PLXND1: variants seen among roughly 807,000 people sequenced by gnomAD.
PLXND1 encodes plexin-D1.
PLXND1 carries 54 observed loss-of-function variants against 197.7 expected under a neutral mutation model. The ratio of observed to expected loss-of-function variants is 0.27; its 90% CI spans 0.22 to 0.34. The LOEUF (loss-of-function observed/expected upper bound fraction) is 0.34, where lower values mean the gene tolerates loss of function less well. PLXND1 is among the 10% of genes least tolerant of loss of function. PLXND1 has a pLI of 1.00. For synonymous variants in PLXND1, 1,180 were observed against 1,161.2 expected, an observed-to-expected ratio of 1.02 and a Z score of -0.33; for missense variants, 2,127 against 2,699.2, an observed-to-expected ratio of 0.79 and a Z score of 4.70.
At position 129,572,849 on chromosome 3, in the gene PLXND1, G is replaced by A. The variant is rs2085256802; in HGVS notation, c.2930C>T (p.Ser977Phe). The A allele has an allele frequency of 6.2e-7, 1 of 1,613,634 alleles. No homozygotes were observed. Among genetic ancestry groups the A allele is most frequent in the African/African-American group, 1.3e-5 (1 of 74,932 alleles). ...SKEGKSRDRFSYVLPLVHSLE... is the reference protein window; with the variant it reads ...SKEGKSRDRFFYVLPLVHSLE... ...GCTGCAGCCCCCCCTTACCACGTAGGAGAAGCGGTCCCGGGACTTGCCCTC... is the reference window on the plus strand; with the variant it reads ...GCTGCAGCCCCCCCTTACCACGTAGAAGAAGCGGTCCCGGGACTTGCCCTC... The change falls in exon 14 of 36, where the codon TCC becomes TTC. Residue 977 changes from serine (S) to phenylalanine (F), a missense_variant. By Grantham distance (155) the Ser-to-Phe change is radical. Coordinates refer to ENST00000324093, the MANE Select transcript of PLXND1 (RefSeq NM_015103.3).
chr3:129,574,316 C>A lies in PLXND1; in HGVS notation c.2685+20G>T, dbSNP rs773258455. The A allele has an allele frequency of 3.8e-6, 6 of 1,573,494 alleles. No homozygotes were observed. The highest frequency in any genetic ancestry group is 5.2e-6 in the Non-Finnish European group (6 of 1,159,992). ...CGTGCCGGAGTGCGGGTGCCACGTG[C>A]CTCCACTGGGCATGCTTACCGCGTG... On this transcript the variant is annotated intron_variant, in intron 12 of 35. Transcript: ENST00000324093.
intron 1 of PLXND1, among the ~76,000 whole-genome samples, chr3:129,593,426 C>T (rs914518612): frequency 5.3e-5 from 8 of 152,220 alleles, no homozygotes; most frequent in Non-Finnish European, 7.3e-5. Context: ...GGCACTTCAG[C>T]GCCCCCGGTG....
At chr3:129,570,213 G>A (rs781528517) in intron 19 of PLXND1, among the ~76,000 whole-genome samples, 2 of 152,164 alleles carry the variant, frequency 1.3e-5, no homozygotes, top group Non-Finnish European at 2.9e-5. Context: ...TACAGCCTGG[G>A]AGGAGTAGTG....
chr3:129,567,486 G>A lies in PLXND1; in HGVS notation c.4086+6C>T, dbSNP rs1395858883. On this transcript the variant is annotated splice_donor_region_variant and intron_variant, in intron 22 of 35. Transcript: ENST00000324093. The stretch of plus-strand genomic sequence containing the variant: ...AGGTTCAGGGCAGGCTCAGGCTCGG[G>A]CTGACCTTGGGGAAGAAGGTGCGGG... The A allele has an allele frequency of 1.3e-6, 2 of 1,556,058 alleles. No individual in the cohort carries two copies. The highest frequency in any genetic ancestry group is 1.8e-6 in the Non-Finnish European group (2 of 1,134,638).
At chr3:129,587,665 T>C (rs1010057601) in intron 2 of PLXND1, among the ~76,000 whole-genome samples, 11 of 152,200 alleles carry the variant, frequency 7.2e-5, no homozygotes, top group Non-Finnish European at 1.2e-4. Context: ...CTTCTGCTTA[T>C]GGAATGAACC....
chr3:129,571,034 G>A lies in PLXND1; in HGVS notation c.3600+6C>T. 1.9e-6 allele frequency: 3 copies of A among 1,613,558 alleles called. No individual in the cohort carries two copies. Among genetic ancestry groups the A allele is most frequent in the Non-Finnish European group, 2.5e-6 (3 of 1,179,504 alleles). On this transcript the variant is annotated splice_donor_region_variant and intron_variant, in intron 18 of 35. Transcript: ENST00000324093. ...CCCCGCCTACCCCGGCCCCTTTGGT[G>A]CTCACGTGGATAACGAGGGTGAGAG...
intron 27 of PLXND1, chr3:129,562,470 A>T: frequency 3.5e-6 from 1 of 282,136 alleles, no homozygotes; most frequent in Non-Finnish European, 6.7e-6. Flanking sequence ...AGATTGCGCC[A>T]CTGCACTCCA....
chr3:129,580,455 C>T (rs1428728982), intron 8 of PLXND1, among the ~76,000 whole-genome samples: 2 of 152,134 alleles, frequency 1.3e-5, no homozygotes, highest in African/African-American at 2.4e-5. Flanking sequence ...ACTCAGGCCT[C>T]GAAGCCACTG....
At position 129,563,289 on chromosome 3, in the gene PLXND1, C is replaced by T. The variant is rs199722992; in HGVS notation, c.4522-49G>A. The T allele has an allele frequency of 3.1e-4, 472 of 1,519,340 alleles. 5 individuals carry two copies. In the East Asian group the frequency reaches 8.4e-3, roughly 27 times the overall value. The allele number at this position is 1,519,340 out of a possible 1,614,324, so 94.1% of individuals were successfully genotyped here. A position where few individuals can be genotyped will look rare whatever the true frequency, so the allele number is the denominator to read the frequency against. On this transcript the variant is annotated intron_variant, in intron 25 of 35. Transcript: ENST00000324093. ...GCCAAGGCCCCCTCTGTATTCCAGC[C>T]CCCATGCTTTGGGCCAAACACCTTC...
chr3:129,563,284 C>T lies in PLXND1; in HGVS notation c.4522-44G>A, dbSNP rs1280488289. The T allele has an allele frequency of 2.0e-6, 3 of 1,534,420 alleles. No individual in the cohort carries two copies. In the South Asian group the frequency reaches 3.7e-5, roughly 19 times the overall value. On this transcript the variant is annotated intron_variant, in intron 25 of 35. Coordinates refer to ENST00000324093, the MANE Select transcript of PLXND1 (RefSeq NM_015103.3). ...TCAGGGCCAAGGCCCCCTCTGTATT[C>T]CAGCCCCCATGCTTTGGGCCAAACA... is the stretch of plus-strand genomic sequence containing the variant.
chr3:129,589,310 T>TGCCACCCCCCCCCCCCCC, intron 2 of PLXND1, 41 bp downstream of exon 2: 1 of 501,294 alleles, frequency 2.0e-6, no homozygotes, highest in Non-Finnish European at 3.8e-6. Flanking sequence ...CAGGGGAGCC[T>TGCCACCCCCCCCCCCCCC]CCCACCCCCA....
chr3:129,558,554 C>G lies in PLXND1; in HGVS notation c.5319G>C (p.Val1773=). The G allele has an allele frequency of 1.2e-6, 2 of 1,613,964 alleles. No homozygotes were observed. The highest frequency in any genetic ancestry group is 1.7e-6 in the Non-Finnish European group (2 of 1,179,958). The change falls in exon 33 of 36, where the codon GTG becomes GTC. Residue 1773 remains valine (V), a synonymous_variant. Coordinates refer to ENST00000324093, the MANE Select transcript of PLXND1 (RefSeq NM_015103.3). This position sits in a 1 kb window ranked among gnomAD's most constrained non-coding sequence, Gnocchi z 4.1. ...CAAACTGGGGGTTCTTCAGGATGTTCACCCAGAACCGGAGAGGAAGGCTGT... is the reference window on the plus strand; with the variant it reads ...CAAACTGGGGGTTCTTCAGGATGTTGACCCAGAACCGGAGAGGAAGGCTGT... ...KTNSLPLRFW[V]NILKNPQFVF... is the part of the protein sequence containing the mutation.
intron 3 of PLXND1, 129 bp downstream of exon 3, chr3:129,586,459 T>G (rs1578344884): frequency 1.7e-6 from 2 of 1,202,358 alleles, no homozygotes; most frequent in Non-Finnish European, 1.2e-6. Context: ...CAGGACAAGG[T>G]GGAGTTAGCA....
At chr3:129,575,596 G>T in intron 10 of PLXND1, 34 bp from the exon 11 acceptor site, 1 of 1,462,528 alleles carries the variant, frequency 6.8e-7, no homozygotes, top group Non-Finnish European at 9.4e-7. Context: ...TAGGGGGCAT[G>T]GGCAATGCCT....
chr3:129,587,953 G>C (rs971297514), intron 2 of PLXND1, among the ~76,000 whole-genome samples: 1 of 132,364 alleles, frequency 7.6e-6, no homozygotes, highest in African/African-American at 2.8e-5. Context: ...CCTTGCAGGG[G>C]CTCAGGCCAC....
Position 129,558,494 on chromosome 3 carries a change from G to T in PLXND1, c.5379C>A (p.Ala1793=). Residue 1793 remains alanine (A), a synonymous_variant, in exon 33 of 36, where the codon GCC becomes GCA. Coordinates refer to ENST00000324093, the MANE Select transcript of PLXND1 (RefSeq NM_015103.3). This position sits in a 1 kb window ranked among gnomAD's most constrained non-coding sequence, Gnocchi z 4.1. Reference sequence around the variant, plus strand: ...AGGCCTGCGCGATGACTGAAAGGCAGGCGTCGATGTGGTCTGTCTTGTCGA... The same window carrying T: ...AGGCCTGCGCGATGACTGAAAGGCATGCGTCGATGTGGTCTGTCTTGTCGA... The part of the protein sequence containing the change: ...FDIDKTDHID[A]CLSVIAQAFI... 1.2e-6 allele frequency: 2 copies of T among 1,614,048 alleles called. No individual in the cohort carries two copies. The highest frequency in any genetic ancestry group is 1.7e-6 in the Non-Finnish European group (2 of 1,180,026).
At chr3:129,581,188 C>T (rs756064668) in intron 8 of PLXND1, among the ~76,000 whole-genome samples, 1 of 152,258 alleles carries the variant, frequency 6.6e-6, no homozygotes, top group Non-Finnish European at 1.5e-5. Context: ...GCTGTTCACA[C>T]AGAGACCACG....
chr3:129,555,577 C>T lies in PLXND1; in HGVS notation c.*735G>A. The stretch of plus-strand genomic sequence containing the variant: ...AAAAAAGTGGTGCTATCTTTAGAAA[C>T]ACTTTCAGCAAGATCAAGTAGCCCA... On this transcript the variant is annotated 3_prime_UTR_variant, in exon 36 of 36. Coordinates refer to ENST00000324093, the MANE Select transcript of PLXND1 (RefSeq NM_015103.3). 3.1e-6 allele frequency: 2 copies of T among 649,332 alleles called. No individual in the cohort carries two copies. Among genetic ancestry groups the T allele is most frequent in the African/African-American group, 1.9e-5 (1 of 53,378 alleles). 40.2% of individuals were successfully genotyped at this position (649,332 alleles called of 1,614,324 possible).
intron 15 of PLXND1, 97 bp from the exon 16 acceptor site, chr3:129,571,941 CTGGGG>C: frequency 8.0e-7 from 1 of 1,243,484 alleles, no homozygotes; most frequent in Non-Finnish European, 1.1e-6. Context: ...CGCACTTGGC[CTGGGG>C]TTCAAGGCCT....
Sources: gnomAD v4.1 joint callset for allele counts (sites outside exome capture counted in the v4.1 genomes callset) on GRCh38, gnomAD v4.1.1 for gene constraint, Gnocchi (gnomAD v3.1) non-coding constraint, MANE v1.5 for transcripts, NCBI Gene and HGNC (gene_info 2026-07-23, HGNC 2026-07-21) for gene names.